THUMPD1: variants seen among roughly 807,000 people sequenced by gnomAD.
THUMPD1 encodes the protein THUMP domain 1 NAT10 acetyltransferase adaptor.
In THUMPD1, 31 loss-of-function variants were observed where a neutral mutation model predicts 31.6. That is an observed-to-expected ratio of 0.98 (90% CI 0.74 to 1.32). The LOEUF (loss-of-function observed/expected upper bound fraction) is 1.32, where lower values mean the gene tolerates loss of function less well. THUMPD1 is among the 40% of genes most tolerant of loss of function. The pLI, the probability that THUMPD1 is intolerant of heterozygous loss-of-function variation, is 0.00. For missense variants in THUMPD1, 446 were observed against 427.8 expected (o/e 1.04, Z -0.38); for synonymous variants, 166 against 158.2 (o/e 1.05, Z -0.37).
In THUMPD1 at chr16:20,737,970, A is replaced by G; in HGVS notation, c.407-14T>C. On this transcript the variant is annotated splice_polypyrimidine_tract_variant and intron_variant, in intron 2 of 3. Coordinates refer to ENST00000396083, the MANE Select transcript of THUMPD1 (RefSeq NM_017736.5). ...ATTTCTCAGGCTCTTAAGAAAAAAA[A>G]AAAGTTAAGAAGATAATTTCTCAGA... 6.4e-7 allele frequency: 1 copy of G among 1,567,494 alleles called. No homozygotes were observed. Among genetic ancestry groups the G allele is most frequent in the Non-Finnish European group, 8.6e-7 (1 of 1,162,272 alleles).
intron 1 of THUMPD1, 27 bp downstream of exon 1, chr16:20,741,482 C>CGCCCCCCCCCCCCCCCCG: frequency 6.2e-6 from 1 of 160,352 alleles, no homozygotes; most frequent in Non-Finnish European, 1.3e-5. Flanking sequence ...TGGCAGCCGG[C>CGCCCCCCCCCCCCCCCCG]CCGCCCGCCC....
intron 1 of THUMPD1, among the ~76,000 whole-genome samples, chr16:20,741,015 A>T (rs1194518971): frequency 3.3e-5 from 5 of 152,138 alleles, no homozygotes; most frequent in Admixed American, 2.6e-4. Context: ...CTGTAATCTC[A>T]GCACCTTGAG....
chr16:20,734,085 G>A lies in THUMPD1; in HGVS notation c.*2795C>T, dbSNP rs1738946962. On this transcript the variant is annotated 3_prime_UTR_variant, in exon 4 of 4. Coordinates refer to ENST00000396083, the MANE Select transcript of THUMPD1 (RefSeq NM_017736.5). Reference sequence around the variant, plus strand: ...TTGTAACTGGGAAAGAACAGCTTGTGTAACAACCGATTCTTACCAAATACA... The same window carrying A: ...TTGTAACTGGGAAAGAACAGCTTGTATAACAACCGATTCTTACCAAATACA... 6.6e-6 allele frequency: 1 copy of A among 151,926 alleles called. No homozygotes were observed. The highest frequency in any genetic ancestry group is 2.4e-5 in the African/African-American group (1 of 41,370). 9.4% of individuals were successfully genotyped at this position (151,926 alleles called of 1,614,324 possible).
In THUMPD1 at chr16:20,735,031, A is replaced by G. The variant is rs1217676937; in HGVS notation, c.*1849T>C. 1 of 152,342 alleles carries G rather than the reference A, an allele frequency of 6.6e-6. No individual in the cohort carries two copies. Among genetic ancestry groups the G allele is most frequent in the Middle Eastern group, 3.4e-3 (1 of 294 alleles). The allele number at this position is 152,342 out of a possible 1,614,324, so 9.4% of individuals were successfully genotyped here. ...GTTGCACCCTTTATTTTCAAGGCCAAGTGGCTGCAGAAACATTTCAAGAAT... is the reference window on the plus strand; with the variant it reads ...GTTGCACCCTTTATTTTCAAGGCCAGGTGGCTGCAGAAACATTTCAAGAAT... On this transcript the variant is annotated 3_prime_UTR_variant, in exon 4 of 4. Transcript: ENST00000396083.
Position 20,736,874 on chromosome 16 carries a change from G to A in THUMPD1, c.*6C>T. On this transcript the variant is annotated 3_prime_UTR_variant, in exon 4 of 4. Transcript: ENST00000396083. ...GAGAAACCCACCTCCAACACCAAATGACTTCCTATGAGAAGTCATTTTCAT... is the reference window on the plus strand; with the variant it reads ...GAGAAACCCACCTCCAACACCAAATAACTTCCTATGAGAAGTCATTTTCAT... 1 of 1,611,772 alleles carries A rather than the reference G, an allele frequency of 6.2e-7. No homozygotes were observed. Among genetic ancestry groups the A allele is most frequent in the South Asian group, 1.1e-5 (1 of 90,962 alleles).
At chr16:20,739,455 G>C (rs2079899065) in intron 1 of THUMPD1, among the ~76,000 whole-genome samples, 1 of 152,086 alleles carries the variant, frequency 6.6e-6, no homozygotes. Context: ...ACAGGTGTGA[G>C]CTACCATGCC....
chr16:20,740,393 C>T (rs2079906526), intron 1 of THUMPD1, among the ~76,000 whole-genome samples: 1 of 152,116 alleles, frequency 6.6e-6, no homozygotes, highest in Non-Finnish European at 1.5e-5. Flanking sequence ...AGAGCAAGAC[C>T]GCTTCCAAAA....
intron 1 of THUMPD1, among the ~76,000 whole-genome samples, chr16:20,740,330 A>C (rs1299744522): frequency 6.6e-6 from 1 of 152,178 alleles, no homozygotes; most frequent in Non-Finnish European, 1.5e-5. Flanking sequence ...CGGAGGTGGA[A>C]GTTGCAGTGA....
intron 1 of THUMPD1, 28 bp downstream of exon 1, chr16:20,741,481 G>GGGGGGGGGGCCCCCCCCCCCCCCC: frequency 1.5e-6 from 2 of 1,308,404 alleles, no homozygotes; most frequent in African/African-American, 1.5e-5. Context: ...CTGGCAGCCG[G>GGGGGGGGGGCCCCCCCCCCCCCCC]CCCGCCCGCC....
At chr16:20,741,481 G>GGGGGGGGGGGCCCCCCCCC in intron 1 of THUMPD1, 28 bp downstream of exon 1, 1 of 1,308,410 alleles carries the variant, frequency 7.6e-7, no homozygotes, top group Non-Finnish European at 9.9e-7. Context: ...CTGGCAGCCG[G>GGGGGGGGGGGCCCCCCCCC]CCCGCCCGCC....
intron 3 of THUMPD1, 23 bp from the exon 4 acceptor site, chr16:20,737,309 C>T (rs919934128): frequency 1.9e-6 from 3 of 1,587,558 alleles, no homozygotes; most frequent in Non-Finnish European, 2.6e-6. Context: ...CAGAAAAACA[C>T]ATAGCTGAGG....
chr16:20,737,768 C>T lies in THUMPD1; in HGVS notation c.595G>A (p.Val199Met), dbSNP rs762860735. 10 of 1,613,686 alleles carry T rather than the reference C, an allele frequency of 6.2e-6. No homozygotes were observed. Among genetic ancestry groups the T allele is most frequent in the Non-Finnish European group, 8.5e-6 (10 of 1,179,846 alleles). ...KAPNKGTFQI[V>M]YKSRNNSHVN... ...TGACTGTTATTTCGAGATTTGTACA[C>T]AATCTGAAATGTCCCTTTGTTTGGA... The change falls in exon 3 of 4, where the codon GTG (valine) becomes ATG (methionine). Residue 199 changes from valine (V) to methionine (M), a missense_variant. By Grantham distance (21) the Val-to-Met change is conservative. Transcript: ENST00000396083.
At chr16:20,739,882 G>C (rs1263223105) in intron 1 of THUMPD1, among the ~76,000 whole-genome samples, 2 of 151,598 alleles carry the variant, frequency 1.3e-5, no homozygotes, top group African/African-American at 4.8e-5. Context: ...ACTATAGAAT[G>C]TAAAATTTGA....
chr16:20,741,674 A>G lies in THUMPD1; in HGVS notation c.66T>C (p.Tyr22=). 1 of 1,584,958 alleles carries G rather than the reference A, an allele frequency of 6.3e-7. No homozygotes were observed. Among genetic ancestry groups the G allele is most frequent in the Non-Finnish European group, 8.6e-7 (1 of 1,165,796 alleles). The change falls in exon 1 of 4, where the codon TAT becomes TAC. Residue 22 remains tyrosine (Y), a synonymous_variant. Coordinates refer to ENST00000396083, the MANE Select transcript of THUMPD1 (RefSeq NM_017736.5). Reference sequence around the variant, plus strand: ...AGCGCCGAGCGCGCTTGGCCAGCACATACTGAGCCTTGCCTTTGCGCTTCC... The same window carrying G: ...AGCGCCGAGCGCGCTTGGCCAGCACGTACTGAGCCTTGCCTTTGCGCTTCC... ...GGGKRKGKAQ[Y]VLAKRARRCD...
chr16:20,738,627 C>T (rs1341652996), intron 2 of THUMPD1: 1 of 406,958 alleles, frequency 2.5e-6, no homozygotes, highest in Middle Eastern at 6.8e-4. Context: ...GTAGCAGCTG[C>T]CCCTTATTTA....
chr16:20,734,474 G>T lies in THUMPD1; in HGVS notation c.*2406C>A, dbSNP rs2079852437. ...TGCCCCTCTCAAATCATTCTAGTCTGGTTTACCAAACAGAACCACCAGCTA... is the reference window on the plus strand; with the variant it reads ...TGCCCCTCTCAAATCATTCTAGTCTTGTTTACCAAACAGAACCACCAGCTA... On this transcript the variant is annotated 3_prime_UTR_variant, in exon 4 of 4. Coordinates refer to ENST00000396083, the MANE Select transcript of THUMPD1 (RefSeq NM_017736.5). 6.6e-6 allele frequency: 1 copy of T among 152,406 alleles called. No homozygotes were observed. The highest frequency in any genetic ancestry group is 2.4e-5 in the African/African-American group (1 of 41,516). The allele number at this position is 152,406 out of a possible 1,614,324, so 9.4% of individuals were successfully genotyped here.
chr16:20,741,143 T>A (rs562271197), intron 1 of THUMPD1, among the ~76,000 whole-genome samples: 1 of 152,252 alleles, frequency 6.6e-6, no homozygotes, highest in East Asian at 1.9e-4. Context: ...GCACTCATAG[T>A]CCCAGCTACT....
In THUMPD1 at chr16:20,741,500, G is replaced by A. The variant is rs1247659482; in HGVS notation, c.231+9C>T. ...CAGCCGGCCCGCCCGCCCACCCCGG[G>A]ACCGGTACCTTTTCTGGCCCATACA... On this transcript the variant is annotated intron_variant, in intron 1 of 3. Transcript: ENST00000396083. 4.7e-6 allele frequency: 1 copy of A among 214,626 alleles called. No homozygotes were observed. The allele number at this position is 214,626 out of a possible 1,614,324, so 13.3% of individuals were successfully genotyped here.
chr16:20,738,905 A>C lies in THUMPD1; in HGVS notation c.398T>G (p.Leu133Arg), dbSNP rs1567331264. 1.2e-6 allele frequency: 2 copies of C among 1,614,108 alleles called. No individual in the cohort carries two copies. Residue 133 changes from leucine (L) to arginine (R), a missense_variant, in exon 2 of 4, where the codon CTT becomes CGT. Physicochemically the swap from Leu to Arg is moderately radical, Grantham distance 102. Coordinates refer to ENST00000396083, the MANE Select transcript of THUMPD1 (RefSeq NM_017736.5). ...GANNVVFIRT[L>R]GIEPEKLVHH... Reference sequence around the variant, plus strand: ...GCAAGTATTTGTCACACCTATCCCAAGTGTCCTGATGAAGACAACGTTATT... The same window carrying C: ...GCAAGTATTTGTCACACCTATCCCACGTGTCCTGATGAAGACAACGTTATT...
Sources: gnomAD v4.1 joint callset for allele counts (sites outside exome capture counted in the v4.1 genomes callset) on GRCh38, gnomAD v4.1.1 for gene constraint, MANE v1.5 for transcripts, NCBI Gene and HGNC (gene_info 2026-07-23, HGNC 2026-07-21) for gene names.